The following DMBT1 variants were observed in gnomAD, a reference collection of about 807,000 sequenced individuals.
DMBT1 encodes deleted in malignant brain tumors 1.
DMBT1 carries 198 observed loss-of-function variants against 252.9 expected under a neutral mutation model. The observed-to-expected ratio is 0.78, with a 90% CI of 0.70 to 0.88. DMBT1 has a LOEUF of 0.88. Ranked by LOEUF, DMBT1 falls within the 40% of genes least tolerant of loss-of-function variation. DMBT1 has a pLI of 0.00. For missense variants in DMBT1, 2,432 were observed against 2,404.7 expected, an observed-to-expected ratio of 1.01 and a Z score of -0.24; for synonymous variants, 990 against 942.7, an observed-to-expected ratio of 1.05 and a Z score of -0.92.
At chr10:122,593,255 G>A (rs997203343) in intron 20 of DMBT1, among the ~76,000 whole-genome samples, 1 of 148,634 alleles carries the variant, frequency 6.7e-6, no homozygotes, top group Admixed American at 6.7e-5. Context: ...AGGGATTTTG[G>A]CTGGAGTGGC....
intron 55 of DMBT1, among the ~76,000 whole-genome samples, chr10:122,641,184 C>T (rs1011268541): frequency 2.0e-5 from 3 of 152,134 alleles, no homozygotes; most frequent in Non-Finnish European, 4.4e-5. Context: ...AGAGGGTGTG[C>T]AGGCTGGGCT....
intron 11 of DMBT1, 87 bp downstream of exon 11, chr10:122,580,982 C>A: frequency 6.5e-7 from 1 of 1,544,822 alleles, no homozygotes; most frequent in Non-Finnish European, 8.9e-7. Context: ...TCCTGTTTCT[C>A]TGTGTGGATA....
At chr10:122,617,961 T>C in intron 40 of DMBT1, 56 bp from the exon 41 acceptor site, 1 of 1,604,940 alleles carries the variant, frequency 6.2e-7, no homozygotes, top group Non-Finnish European at 8.5e-7. Context: ...GGAACTTGCC[T>C]TAGATTGTTG....
intron 16 of DMBT1, among the ~76,000 whole-genome samples, chr10:122,587,058 A>C (rs1429810995): frequency 6.7e-6 from 1 of 148,506 alleles, no homozygotes; most frequent in Non-Finnish European, 1.5e-5. Context: ...CATGACCCAG[A>C]CATGGCACAT....
At chr10:122,626,014 C>G (rs767684457) in intron 46 of DMBT1, 49 bp downstream of exon 46, 3 of 1,526,890 alleles carry the variant, frequency 2.0e-6, no homozygotes, top group Non-Finnish European at 2.7e-6. Context: ...ATTTCTTATC[C>G]CCAAGCTTGG....
chr10:122,588,886 C>T (rs2097820704), intron 16 of DMBT1, 58 bp from the exon 17 acceptor site: 2 of 1,583,546 alleles, frequency 1.3e-6, no homozygotes, highest in Non-Finnish European at 1.7e-6. Flanking sequence ...GTGGAATGTG[C>T]CTTAGATCCT....
intron 50 of DMBT1, 56 bp downstream of exon 50, chr10:122,631,931 G>T (rs1488044069): frequency 1.3e-6 from 2 of 1,581,414 alleles, no homozygotes; most frequent in Non-Finnish European, 1.7e-6. Flanking sequence ...CTCCATTACT[G>T]CTGCCTAGAC....
At position 122,643,506 on chromosome 10, in the gene DMBT1, T is replaced by A. The variant is rs1189066441; in HGVS notation, c.*108T>A. On this transcript the variant is annotated 3_prime_UTR_variant, in exon 56 of 56. Coordinates refer to ENST00000338354, the MANE Select transcript of DMBT1 (RefSeq NM_001377530.1). The stretch of plus-strand genomic sequence containing the variant: ...CCAACTCAGATTGAGCCCTACATTG[T>A]GCTGCACCTGGTCATACGGAGTTGA... 3 of 1,412,006 alleles carry A rather than the reference T, an allele frequency of 2.1e-6. No homozygotes were observed. The Admixed American group carries it at 6.6e-5, about 31-fold the overall frequency. The allele number at this position is 1,412,006 out of a possible 1,614,324, so 87.5% of individuals were successfully genotyped here.
At chr10:122,600,379 A>G (rs1302900882) in intron 27 of DMBT1, among the ~76,000 whole-genome samples, 1 of 152,126 alleles carries the variant, frequency 6.6e-6, no homozygotes, top group Non-Finnish European at 1.5e-5. Context: ...CCCATGTTTA[A>G]TGAGCTTTGG....
chr10:122,618,273 C>T lies in DMBT1; in HGVS notation c.5148C>T (p.Ser1716=). The stretch of plus-strand genomic sequence containing the variant: ...CAGGACACGAGTCTTACCTGTGGAG[C>T]TGCCCCCACAATGGCTGGCTCTCCC... ...RCSGHESYLW[S]CPHNGWLSHN... The change falls in exon 41 of 56, where the codon AGC becomes AGT. Residue 1716 remains serine, a synonymous_variant. Coordinates refer to ENST00000338354, the MANE Select transcript of DMBT1 (RefSeq NM_001377530.1). 1 of 1,613,830 alleles carries T rather than the reference C, an allele frequency of 6.2e-7. No homozygotes were observed.
chr10:122,586,158 G>A lies in DMBT1; in HGVS notation c.1558G>A (p.Asp520Asn). The change falls in exon 16 of 56, where the codon GAT becomes AAT. Residue 520 changes from aspartate to asparagine, a missense_variant. Asp to Asn is a conservative substitution (Grantham distance 23). Coordinates refer to ENST00000338354, the MANE Select transcript of DMBT1 (RefSeq NM_001377530.1). The stretch of plus-strand genomic sequence containing the variant: ...CCGAGGCTCCTGGGGCACCGTGTGT[G>A]ATGACAGCTGGGACACCAATGATGC... ...LYRGSWGTVC[D>N]DSWDTNDANV... 6.3e-7 allele frequency: 1 copy of A among 1,589,318 alleles called. No homozygotes were observed. The highest frequency in any genetic ancestry group is 1.3e-5 in the African/African-American group (1 of 74,656).
intron 18 of DMBT1, among the ~76,000 whole-genome samples, chr10:122,591,198 A>T (rs1200530761): frequency 6.7e-6 from 1 of 148,796 alleles, no homozygotes; most frequent in African/African-American, 2.4e-5. Flanking sequence ...AGATGTGCCC[A>T]TCAGTCCATG....
At chr10:122,580,929 T>A (rs1377886699) in intron 11 of DMBT1, 34 bp downstream of exon 11, 1 of 1,612,936 alleles carries the variant, frequency 6.2e-7, no homozygotes, top group Admixed American at 1.7e-5. Flanking sequence ...AAAATGTCCC[T>A]TCTCTTTCTG....
chr10:122,618,113 G>A lies in DMBT1; in HGVS notation c.4988G>A (p.Cys1663Tyr), dbSNP rs1591459645. The A allele has an allele frequency of 1.2e-6, 2 of 1,613,980 alleles. No individual in the cohort carries two copies. Among genetic ancestry groups the A allele is most frequent in the Middle Eastern group, 1.7e-4 (1 of 6,060 alleles). Reference protein sequence around the residue: ...VLYQGSWGTVCDDYWDTNDAN... With the variant: ...VLYQGSWGTVYDDYWDTNDAN... The stretch of plus-strand genomic sequence containing the variant: ...TACCAAGGCTCCTGGGGCACCGTGT[G>A]TGATGACTACTGGGACACCAATGAT... The change falls in exon 41 of 56, where the codon TGT becomes TAT. Residue 1663 changes from cysteine to tyrosine, a missense_variant. Transcript: ENST00000338354.
chr10:122,617,968 G>A (rs773994119), intron 40 of DMBT1, 49 bp from the exon 41 acceptor site: 3 of 1,602,846 alleles, frequency 1.9e-6, no homozygotes, highest in East Asian at 4.7e-5. Flanking sequence ...GCCTTAGATT[G>A]TTGACCTCCT....
At chr10:122,639,480 T>C (rs1345834977) in intron 54 of DMBT1, among the ~76,000 whole-genome samples, 1 of 151,674 alleles carries the variant, frequency 6.6e-6, no homozygotes, top group Non-Finnish European at 1.5e-5. Flanking sequence ...CAAAGGGGGT[T>C]GTTCTCTGGC....
chr10:122,566,681 C>T (rs1960175), intron 2 of DMBT1, among the ~76,000 whole-genome samples: 101,811 of 151,864 alleles, frequency 0.67, 34,493 homozygotes, highest in East Asian at 0.78. Flanking sequence ...TTGTTATATA[C>T]CCTGCATAAA....
In DMBT1 at chr10:122,579,802, C is replaced by A; in HGVS notation, c.904C>A (p.Arg302Ser). The A allele has an allele frequency of 1.9e-6, 3 of 1,607,384 alleles. No individual in the cohort carries two copies. The highest frequency in any genetic ancestry group is 8.5e-7 in the Non-Finnish European group (1 of 1,173,806). The change falls in exon 10 of 56, where the codon CGC becomes AGC. Residue 302 changes from arginine to serine, a missense_variant. Around this residue, in one of 3 missense-constraint regions of DMBT1, gnomAD observed 1,264 missense variants for 1,082.2 expected, o/e 1.17. Coordinates refer to ENST00000338354, the MANE Select transcript of DMBT1 (RefSeq NM_001377530.1). ...AGGACCCATTGTCCTGGATGATGTG[C>A]GCTGCTCAGGACATGAGTCCTACCT... ...GSGPIVLDDV[R>S]CSGHESYLWS...
At chr10:122,639,042 G>C (rs1226827462) in intron 54 of DMBT1, among the ~76,000 whole-genome samples, 1 of 152,206 alleles carries the variant, frequency 6.6e-6, no homozygotes, top group Non-Finnish European at 1.5e-5. Context: ...ATAGAAGTAG[G>C]GCTGTGCCAT....
Sources: allele counts gnomAD v4.1 joint callset (sites outside exome capture counted in the v4.1 genomes callset), GRCh38; gene constraint gnomAD v4.1.1; regional missense constraint gnomAD v4.1.1; transcripts MANE v1.5; gene names NCBI Gene and HGNC (gene_info 2026-07-23, HGNC 2026-07-21).